The following ARHGAP32 variants were observed in gnomAD, a reference collection of about 807,000 sequenced individuals.
ARHGAP32 encodes the protein rho GTPase-activating protein 32.
In ARHGAP32, 51 loss-of-function variants were observed where a neutral mutation model predicts 186.5. The ratio of observed to expected loss-of-function variants is 0.27; its 90% CI spans 0.22 to 0.35. ARHGAP32 has a LOEUF of 0.35. Among genes scored for constraint, ARHGAP32 ranks in the 10% least tolerant of loss-of-function variants. The probability of loss-of-function intolerance (pLI) is 1.00; values close to 1 mark genes in which losing one functional copy is unlikely to be tolerated. For missense variants in ARHGAP32, 2,186 were observed against 2,623.5 expected, an observed-to-expected ratio of 0.83 and a Z score of 3.64; for synonymous variants, 950 against 964.3, an observed-to-expected ratio of 0.99 and a Z score of 0.27.
intron 2 of ARHGAP32, among the ~76,000 whole-genome samples, chr11:129,158,081 C>T (rs894567284): frequency 1.3e-5 from 2 of 152,052 alleles, no homozygotes; most frequent in Non-Finnish European, 2.9e-5. Flanking sequence ...GGAAGCACTA[C>T]ATATGGAAAG....
At chr11:129,227,939 T>C (rs1258696335) in intron 1 of ARHGAP32, among the ~76,000 whole-genome samples, 2 of 152,124 alleles carry the variant, frequency 1.3e-5, no homozygotes, top group Non-Finnish European at 2.9e-5. Context: ...TACATTCTTC[T>C]CAAGTGCACA....
intron 11 of ARHGAP32, among the ~76,000 whole-genome samples, chr11:129,027,871 G>T (rs1332191550): frequency 2.0e-5 from 3 of 152,144 alleles, no homozygotes; most frequent in Non-Finnish European, 2.9e-5. Context: ...TGTCTGGTGT[G>T]TTCACTGTTT....
At position 128,988,013 on chromosome 11, in the gene ARHGAP32, A is replaced by G; in HGVS notation, c.1298+10T>C. 3 of 1,598,582 alleles carry G rather than the reference A, an allele frequency of 1.9e-6. No individual in the cohort carries two copies. The highest frequency in any genetic ancestry group is 2.6e-6 in the Non-Finnish European group (3 of 1,166,730). ...AAGAAGGAGTGAAAAAGTGCCATATAAGATTTTACCGTAGTCTCTGGATAT... is the reference window on the plus strand; with the variant it reads ...AAGAAGGAGTGAAAAAGTGCCATATGAGATTTTACCGTAGTCTCTGGATAT... On this transcript the variant is annotated intron_variant, in intron 13 of 22. Transcript: ENST00000682385.
At chr11:129,126,952 A>G (rs559604720) in intron 2 of ARHGAP32, among the ~76,000 whole-genome samples, 13 of 152,332 alleles carry the variant, frequency 8.5e-5, no homozygotes, top group African/African-American at 3.1e-4. Context: ...AATTTCTAAT[A>G]AAGTGGCTTT....
At chr11:129,058,188 T>TACACACACAC (rs58479028) in intron 10 of ARHGAP32, among the ~76,000 whole-genome samples, 20 of 133,918 alleles carry the variant, frequency 1.5e-4, no homozygotes, top group African/African-American at 4.2e-4. Context: ...AAAAAAAATA[T>TACACACACAC]ACACACACAC....
At chr11:129,077,166 C>A (rs1343177185) in intron 6 of ARHGAP32, among the ~76,000 whole-genome samples, 1 of 152,186 alleles carries the variant, frequency 6.6e-6, no homozygotes, top group Non-Finnish European at 1.5e-5. Flanking sequence ...CTTTATCTCA[C>A]AGGGGTTCTT....
intron 1 of ARHGAP32, among the ~76,000 whole-genome samples, chr11:129,179,858 T>C (rs1347717426): frequency 6.6e-6 from 1 of 152,120 alleles, no homozygotes; most frequent in Non-Finnish European, 1.5e-5. Context: ...GACGAGTTAG[T>C]GGGTGCAGTG....
intron 1 of ARHGAP32, among the ~76,000 whole-genome samples, chr11:129,249,926 T>A (rs979811399): frequency 6.6e-6 from 1 of 151,984 alleles, no homozygotes; most frequent in African/African-American, 2.4e-5. Context: ...CCTTTAAGAC[T>A]GTGAGGCAGG....
chr11:129,159,221 C>T lies in ARHGAP32; in HGVS notation c.225+5098G>A, dbSNP rs528921949. 2.2e-4 allele frequency among the ~76,000 whole-genome samples: 34 copies of T among 151,750 alleles called. No homozygotes were observed. In the South Asian group the frequency reaches 6.7e-3, roughly 30 times the overall value. On this transcript the variant is annotated intron_variant, in intron 2 of 22. Coordinates refer to ENST00000682385, the MANE Select transcript of ARHGAP32 (RefSeq NM_001378024.1). The stretch of plus-strand genomic sequence containing the variant: ...AACTAAGGAGCAGAACTGAAGGAGA[C>T]AGAGACATGAAAAACCCTTAAAAAA...
intron 1 of ARHGAP32, among the ~76,000 whole-genome samples, chr11:129,262,351 C>T (rs1221675318): frequency 1.3e-5 from 2 of 151,770 alleles, no homozygotes; most frequent in Non-Finnish European, 2.9e-5. Context: ...TTTAACCCAC[C>T]TTACAAATAA....
chr11:129,179,786 G>T (rs1383555427), intron 1 of ARHGAP32, among the ~76,000 whole-genome samples: 1 of 150,852 alleles, frequency 6.6e-6, no homozygotes, highest in Non-Finnish European at 1.5e-5. Context: ...ACACTCTGGG[G>T]ACTGTTGTGG....
In ARHGAP32 at chr11:129,064,123, T is replaced by C. The variant is rs997857810; in HGVS notation, c.763-99A>G. ...AATTCATTTTAATTTAGAGATACAATAACCCAAAGAGTCTTAAAAAAAAAA... is the reference window on the plus strand; with the variant it reads ...AATTCATTTTAATTTAGAGATACAACAACCCAAAGAGTCTTAAAAAAAAAA... On this transcript the variant is annotated intron_variant, in intron 8 of 22. Coordinates refer to ENST00000682385, the MANE Select transcript of ARHGAP32 (RefSeq NM_001378024.1). 6 of 1,078,686 alleles carry C rather than the reference T, an allele frequency of 5.6e-6. No homozygotes were observed. In the African/African-American group the frequency reaches 1.3e-4, roughly 23 times the overall value. The allele number at this position is 1,078,686 out of a possible 1,614,324, so 66.8% of individuals were successfully genotyped here.
chr11:129,075,478 T>C (rs749502700), intron 6 of ARHGAP32, among the ~76,000 whole-genome samples: 4 of 152,112 alleles, frequency 2.6e-5, no homozygotes, highest in African/African-American at 7.2e-5. Flanking sequence ...AAACAGACTA[T>C]GAAAGTACTG....
intron 2 of ARHGAP32, among the ~76,000 whole-genome samples, chr11:129,132,517 C>T (rs1265251468): frequency 6.6e-6 from 1 of 151,782 alleles, no homozygotes; most frequent in East Asian, 1.9e-4. Flanking sequence ...CAGTGATCCC[C>T]ATGAAACTGA....
At position 128,974,764 on chromosome 11, in the gene ARHGAP32, T is replaced by C; in HGVS notation, c.2433A>G (p.Pro811=). 6.2e-7 allele frequency: 1 copy of C among 1,614,130 alleles called. No homozygotes were observed. The highest frequency in any genetic ancestry group is 8.5e-7 in the Non-Finnish European group (1 of 1,180,012). ...TAGGAGGACTACATTGAAATGACAT[T>C]GGATCAAAATCCAGGCTGGCTACTC... The part of the protein sequence containing the change: ...DIGVASLDFD[P]MSFQCSPPKA... Residue 811 remains proline (P), a synonymous_variant, in exon 21 of 23, where the codon CCA becomes CCG. Coordinates refer to ENST00000682385, the MANE Select transcript of ARHGAP32 (RefSeq NM_001378024.1).
chr11:129,037,413 G>A (rs1352242093), intron 11 of ARHGAP32, among the ~76,000 whole-genome samples: 2 of 151,762 alleles, frequency 1.3e-5, no homozygotes, highest in Admixed American at 1.3e-4. Context: ...AAGATGCCTT[G>A]AGCCCAGGAG....
At chr11:129,234,855 T>C (rs967669272) in intron 1 of ARHGAP32, among the ~76,000 whole-genome samples, 1 of 152,082 alleles carries the variant, frequency 6.6e-6, no homozygotes, top group African/African-American at 2.4e-5. Context: ...CAGGTAGTTG[T>C]TCTTCTATTT....
intron 1 of ARHGAP32, among the ~76,000 whole-genome samples, chr11:129,277,247 G>A (rs534239705): frequency 6.6e-6 from 1 of 152,158 alleles, no homozygotes; most frequent in South Asian, 2.1e-4. Context: ...AGAGAAAGTA[G>A]AGATGAATGT....
chr11:129,044,464 C>T (rs1015321414), intron 10 of ARHGAP32, among the ~76,000 whole-genome samples: 3 of 152,044 alleles, frequency 2.0e-5, no homozygotes, highest in African/African-American at 7.2e-5. Context: ...ATAAATAACT[C>T]CCACAAGCTT....
Sources: allele counts gnomAD v4.1 joint callset (sites outside exome capture counted in the v4.1 genomes callset), GRCh38; gene constraint gnomAD v4.1.1; transcripts MANE v1.5; gene names NCBI Gene and HGNC (gene_info 2026-07-23, HGNC 2026-07-21).